Variants in ARHGAP28 observed in about 807,000 individuals in gnomAD.
ARHGAP28 encodes the protein rho GTPase-activating protein 28.
In ARHGAP28, 56 loss-of-function variants were observed where a neutral mutation model predicts 90.7. The observed-to-expected ratio is 0.62, with a 90% CI of 0.50 to 0.77. ARHGAP28 has a LOEUF of 0.77. Ranked by LOEUF, ARHGAP28 falls within the 30% of genes least tolerant of loss-of-function variation. The pLI is 0.00. For synonymous variants in ARHGAP28, 308 were observed against 323.3 expected, an observed-to-expected ratio of 0.95 and a Z score of 0.51; for missense variants, 869 against 900.9, an observed-to-expected ratio of 0.96 and a Z score of 0.45.
At chr18:6,826,816 T>C (rs564950009) in intron 2 of ARHGAP28, among the ~76,000 whole-genome samples, 20 of 151,600 alleles carry the variant, frequency 1.3e-4, no homozygotes, top group African/African-American at 4.8e-4. Context: ...CTGGTTTTCC[T>C]AGGCAGAGGA....
intron 10 of ARHGAP28, among the ~76,000 whole-genome samples, chr18:6,879,223 A>C (rs1049752672): frequency 6.6e-5 from 10 of 152,138 alleles, no homozygotes; most frequent in African/African-American, 2.2e-4. Flanking sequence ...TGAGCCAAAC[A>C]CCGGGGAATA....
intron 5 of ARHGAP28, among the ~76,000 whole-genome samples, chr18:6,861,381 G>A (rs182790944): frequency 8.1e-4 from 123 of 152,282 alleles, no homozygotes; most frequent in Admixed American, 3.8e-3. Context: ...AGCCTCCTAA[G>A]TGATCTCCAG....
At chr18:6,881,567 A>C (rs2057178318) in intron 10 of ARHGAP28, among the ~76,000 whole-genome samples, 1 of 152,236 alleles carries the variant, frequency 6.6e-6, no homozygotes, top group Admixed American at 6.5e-5. Flanking sequence ...GGATTGGGCA[A>C]GCATGCAAAC....
chr18:6,870,625 G>A lies in ARHGAP28; in HGVS notation c.847G>A (p.Ala283Thr), dbSNP rs144126596. ...DFLEKNIPPEAEELSFEVSYS... is the reference protein window; with the variant it reads ...DFLEKNIPPETEELSFEVSYS... Reference sequence around the variant, plus strand: ...TCTGGAAAAGAACATTCCACCAGAGGCTGAAGAGCTGTCATTTGAAGTGTC... The same window carrying A: ...TCTGGAAAAGAACATTCCACCAGAGACTGAAGAGCTGTCATTTGAAGTGTC... Residue 283 changes from alanine to threonine, a missense_variant, in exon 7 of 18, where the codon GCT becomes ACT. Transcript: ENST00000383472. The A allele has an allele frequency of 4.3e-6, 7 of 1,612,780 alleles. No individual in the cohort carries two copies. The highest frequency in any genetic ancestry group is 5.1e-6 in the Non-Finnish European group (6 of 1,179,316).
In ARHGAP28 at chr18:6,729,882, C is replaced by A; in HGVS notation, c.61C>A (p.Gln21Lys). The change falls in exon 1 of 18, where the codon CAG (glutamine) becomes AAG (lysine). Residue 21 changes from glutamine (Q) to lysine (K), a missense_variant. Physicochemically the swap from Gln to Lys is moderately conservative, Grantham distance 53 (BLOSUM62 1). Transcript: ENST00000383472. The part of the protein sequence containing the change: ...LTAYHSYARA[Q>K]PPNAESRCAP... ...CGCCTACCACTCGTACGCGCGCGCC[C>A]AGCCCCCCAACGCCGAGTCGCGCTG... 1 of 1,433,838 alleles carries A rather than the reference C, an allele frequency of 7.0e-7. No homozygotes were observed. Among genetic ancestry groups the A allele is most frequent in the Non-Finnish European group, 9.1e-7 (1 of 1,096,402 alleles). The allele number at this position is 1,433,838 out of a possible 1,614,324, so 88.8% of individuals were successfully genotyped here.
At chr18:6,849,312 A>C (rs1198369545) in intron 3 of ARHGAP28, among the ~76,000 whole-genome samples, 5 of 151,840 alleles carry the variant, frequency 3.3e-5, no homozygotes, top group Non-Finnish European at 5.9e-5. Flanking sequence ...ACACATGAAG[A>C]AACTTCTCAC....
chr18:6,745,600 G>A (rs573134766), intron 1 of ARHGAP28, among the ~76,000 whole-genome samples: 5 of 151,884 alleles, frequency 3.3e-5, no homozygotes, highest in African/African-American at 2.4e-5. Context: ...CATCTCCCTC[G>A]CCCCAGACAT....
At chr18:6,798,262 C>G (rs1254129470) in intron 1 of ARHGAP28, among the ~76,000 whole-genome samples, 1 of 152,144 alleles carries the variant, frequency 6.6e-6, no homozygotes, top group African/African-American at 2.4e-5. Flanking sequence ...GGCGCAATCT[C>G]TGCTCACTGC....
At chr18:6,730,565 AAAG>A (rs1421813789) in intron 1 of ARHGAP28, among the ~76,000 whole-genome samples, 1 of 152,182 alleles carries the variant, frequency 6.6e-6, no homozygotes, top group Non-Finnish European at 1.5e-5. Flanking sequence ...CTTTTGGTCA[AAAG>A]AAGTCTATAA....
intron 1 of ARHGAP28, among the ~76,000 whole-genome samples, chr18:6,742,580 T>C (rs2055988802): frequency 1.3e-5 from 2 of 152,120 alleles, no homozygotes; most frequent in South Asian, 4.1e-4. Context: ...TTTCAACCTT[T>C]AGGTTCTTGT....
rs547758324 is a variant in ARHGAP28 at position 6,847,060 on chromosome 18, T to C, written c.544-3974T>C. On this transcript the variant is annotated intron_variant, in intron 3 of 17. Coordinates refer to ENST00000383472, the MANE Select transcript of ARHGAP28 (RefSeq NM_001366230.1). ...CCTGGCTCCCACAGGAGGAGGTGAT[T>C]GGCTTTTGAGTGATTCCATAGGCTG... 5.9e-5 allele frequency among the ~76,000 whole-genome samples: 9 copies of C among 152,262 alleles called. No individual in the cohort carries two copies. In the East Asian group the frequency reaches 1.5e-3, roughly 26 times the overall value.
chr18:6,859,106 AT>A (rs2056977412), intron 4 of ARHGAP28, among the ~76,000 whole-genome samples: 1 of 152,212 alleles, frequency 6.6e-6, no homozygotes, highest in Admixed American at 6.5e-5. Flanking sequence ...AAAAAACAAA[AT>A]TTGGTACTAT....
intron 1 of ARHGAP28, among the ~76,000 whole-genome samples, chr18:6,768,050 A>G (rs1167446911): frequency 6.6e-6 from 1 of 151,446 alleles, no homozygotes; most frequent in Non-Finnish European, 1.5e-5. Flanking sequence ...TTTGTCTCCA[A>G]ATTTATTGGT....
intron 1 of ARHGAP28, among the ~76,000 whole-genome samples, chr18:6,758,302 A>G (rs1488416312): frequency 6.6e-6 from 1 of 151,930 alleles, no homozygotes; most frequent in Non-Finnish European, 1.5e-5. Flanking sequence ...GCTTCGGTTT[A>G]GGGCAGAGAT....
At chr18:6,757,075 T>G (rs1276211316) in intron 1 of ARHGAP28, among the ~76,000 whole-genome samples, 1 of 152,172 alleles carries the variant, frequency 6.6e-6, no homozygotes, top group Non-Finnish European at 1.5e-5. Flanking sequence ...ACACTTAATA[T>G]TAACCATCAC....
chr18:6,801,028 G>A (rs1369191324), intron 1 of ARHGAP28, among the ~76,000 whole-genome samples: 1 of 152,170 alleles, frequency 6.6e-6, no homozygotes, highest in Admixed American at 6.5e-5. Flanking sequence ...TGTAAGTCAT[G>A]GATCGTGCTT....
intron 1 of ARHGAP28, chr18:6,778,885 TTC>T (rs751319820): frequency 4.6e-5 from 7 of 152,190 alleles, no homozygotes; most frequent in Non-Finnish European, 8.8e-5. Flanking sequence ...ATCACAGCAG[TTC>T]ATTCTATTGG....
At chr18:6,876,289 T>C in intron 10 of ARHGAP28, 81 bp downstream of exon 10, 2 of 1,039,216 alleles carry the variant, frequency 1.9e-6, no homozygotes, top group Non-Finnish European at 3.0e-6. Context: ...GATCCAGATA[T>C]TTGTTGTTGT....
At chr18:6,791,137 G>C (rs2056403541) in intron 1 of ARHGAP28, 1 of 152,178 alleles carries the variant, frequency 6.6e-6, no homozygotes, top group South Asian at 2.1e-4. Context: ...ACAATAGGCT[G>C]TCTGCAAGCT....
Sources: gnomAD v4.1 joint callset for allele counts (sites outside exome capture counted in the v4.1 genomes callset) on GRCh38, gnomAD v4.1.1 for gene constraint, MANE v1.5 for transcripts, NCBI Gene and HGNC (gene_info 2026-07-23, HGNC 2026-07-21) for gene names.